Variants in MAP4K3 observed in about 807,000 individuals in gnomAD.
The protein encoded by MAP4K3 is MAPK/ERK kinase kinase kinase 3.
In MAP4K3, 94 loss-of-function variants were observed where a neutral mutation model predicts 143.5. The observed-to-expected ratio is 0.65, with a 90% CI of 0.55 to 0.78. MAP4K3 has a LOEUF of 0.78. Among genes scored for constraint, MAP4K3 ranks in the 30% least tolerant of loss-of-function variants. The probability of loss-of-function intolerance (pLI) is 0.00; values close to 1 mark genes in which losing one functional copy is unlikely to be tolerated. For synonymous variants in MAP4K3, 416 were observed against 347.2 expected (o/e 1.20, Z -2.20); for missense variants, 1,077 against 1,068.1 (o/e 1.01, Z -0.12).
At position 39,370,230 on chromosome 2, in the gene MAP4K3, C is replaced by G. The variant is rs117479858; in HGVS notation, c.154+7836G>C. ...CTCTCCAGCTCAGTCAGCCTCAAGT[C>G]ATAGTATGATTCTAATAAATTTAAG... On this transcript the variant is annotated intron_variant, in intron 2 of 33. Coordinates refer to ENST00000263881, the MANE Select transcript of MAP4K3 (RefSeq NM_003618.4). 1.7e-3 allele frequency among the ~76,000 whole-genome samples: 258 copies of G among 152,268 alleles called. 6 individuals are homozygous for G. In the East Asian group the frequency reaches 0.024, roughly 14 times the overall value.
intron 12 of MAP4K3, among the ~76,000 whole-genome samples, chr2:39,322,109 G>A (rs1683329413): frequency 6.6e-6 from 1 of 152,158 alleles, no homozygotes. Flanking sequence ...CAGGTGTGGA[G>A]GGGCAACCCA....
intron 13 of MAP4K3, among the ~76,000 whole-genome samples, chr2:39,310,065 G>A (rs1379230855): frequency 6.6e-6 from 1 of 152,080 alleles, no homozygotes; most frequent in Non-Finnish European, 1.5e-5. Flanking sequence ...GAACAAAACA[G>A]GGTAATTAGG....
At chr2:39,343,530 G>A (rs1039733947) in intron 3 of MAP4K3, 78 bp from the exon 4 acceptor site, 1 of 1,165,938 alleles carries the variant, frequency 8.6e-7, no homozygotes. Context: ...TTTTAAGGTT[G>A]TAAGCTGTAA....
At chr2:39,282,399 AT>A (rs1037203818) in intron 22 of MAP4K3, 113 bp downstream of exon 22, 26 of 842,336 alleles carry the variant, frequency 3.1e-5, no homozygotes, top group Middle Eastern at 2.6e-4. Context: ...AATCTTATAG[AT>A]TTTTTTTCAA....
In MAP4K3 at chr2:39,283,893, C is replaced by T. The variant is rs1348288165; in HGVS notation, c.1588-1339G>A. On this transcript the variant is annotated intron_variant, in intron 21 of 33. Coordinates refer to ENST00000263881, the MANE Select transcript of MAP4K3 (RefSeq NM_003618.4). ...CATTCTAATTTTTCCCTAGAGCTGC[C>T]ATACATCAGAATCACTTAAACAATG... 3 of 152,212 alleles carry T rather than the reference C, an allele frequency of 2.0e-5. No individual in the cohort carries two copies. The East Asian group carries it at 5.8e-4, about 29-fold the overall frequency. The allele number at this position is 152,212 out of a possible 1,614,324, so 9.4% of individuals were successfully genotyped here. A position where few individuals can be genotyped will look rare whatever the true frequency, so the allele number is the denominator to read the frequency against.
At chr2:39,283,353 C>G (rs1395054849) in intron 21 of MAP4K3, among the ~76,000 whole-genome samples, 2 of 152,140 alleles carry the variant, frequency 1.3e-5, no homozygotes, top group Admixed American at 1.3e-4. Flanking sequence ...TCCTGTGCTC[C>G]TCATTAATTT....
chr2:39,252,541 T>C (rs1182665543), intron 32 of MAP4K3, among the ~76,000 whole-genome samples: 1 of 152,206 alleles, frequency 6.6e-6, no homozygotes, highest in Non-Finnish European at 1.5e-5. Flanking sequence ...AATGACCATA[T>C]ATCCTTCAAG....
intron 26 of MAP4K3, among the ~76,000 whole-genome samples, chr2:39,268,255 G>A (rs1034111843): frequency 6.6e-6 from 1 of 151,962 alleles, no homozygotes; most frequent in Non-Finnish European, 1.5e-5. Context: ...TATAATAAAG[G>A]TTGTTGGTGC....
chr2:39,370,390 C>A (rs1051321813), intron 2 of MAP4K3, among the ~76,000 whole-genome samples: 1 of 152,156 alleles, frequency 6.6e-6, no homozygotes, highest in African/African-American at 2.4e-5. Flanking sequence ...CACAAAAACA[C>A]TCAAGGGAGA....
intron 1 of MAP4K3, among the ~76,000 whole-genome samples, chr2:39,430,915 T>TG (rs1381647729): frequency 6.6e-6 from 1 of 152,226 alleles, no homozygotes. Flanking sequence ...TCAGAAATAA[T>TG]GATCTCCTTC....
rs143167838 is a variant in MAP4K3, at chr2:39,317,091, G to A, written c.919-1703C>T. Reference sequence around the variant, plus strand: ...ATAGACCAATGGAACAGAACAGAGAGCCTAGAAATAAAGCCATACATCTAC... The same window carrying A: ...ATAGACCAATGGAACAGAACAGAGAACCTAGAAATAAAGCCATACATCTAC... On this transcript the variant is annotated intron_variant, in intron 12 of 33. Transcript: ENST00000263881. Among the ~76,000 whole-genome samples, 515 of 152,008 alleles carry A rather than the reference G, an allele frequency of 3.4e-3. 4 individuals carry two copies. The highest frequency in any genetic ancestry group is 5.2e-3 in the Non-Finnish European group (350 of 67,890).
At chr2:39,339,642 C>A (rs751421541) in intron 4 of MAP4K3, among the ~76,000 whole-genome samples, 38 of 152,078 alleles carry the variant, frequency 2.5e-4, no homozygotes, top group Non-Finnish European at 3.8e-4. Context: ...GGGCTACATC[C>A]TCATTAAAGG....
At chr2:39,336,639 T>C (rs1186902293) in intron 6 of MAP4K3, among the ~76,000 whole-genome samples, 1 of 152,084 alleles carries the variant, frequency 6.6e-6, no homozygotes, top group African/African-American at 2.4e-5. Context: ...AGCTATAAGC[T>C]TACTCTGCAT....
intron 1 of MAP4K3, among the ~76,000 whole-genome samples, chr2:39,415,196 ATGGG>A (rs1667338706): frequency 6.6e-6 from 1 of 152,194 alleles, no homozygotes; most frequent in African/African-American, 2.4e-5. Flanking sequence ...TTCCAAATGA[ATGGG>A]CTTCATTTTA....
chr2:39,258,407 A>T lies in MAP4K3; in HGVS notation c.2411T>A (p.Leu804Ter). The change falls in exon 31 of 34, where the codon TTA becomes TAA. Residue 804 changes from leucine to a stop codon, truncating the protein, a stop_gained. Transcript: ENST00000263881. LOFTEE classifies it high-confidence loss of function. The part of the protein sequence containing the change: ...CIKIVNLQGR[L>*]KSSRKLSSEL... ...TGATGACAATTTCCTGCTAGATTTT[A>T]ATCTTCCTTGGAGATTTACTATTTT... 6.2e-7 allele frequency: 1 copy of T among 1,611,428 alleles called. No individual in the cohort carries two copies. The highest frequency in any genetic ancestry group is 1.1e-5 in the South Asian group (1 of 90,788).
At chr2:39,381,708 T>TG (rs1295798622) in intron 1 of MAP4K3, among the ~76,000 whole-genome samples, 2 of 152,192 alleles carry the variant, frequency 1.3e-5, no homozygotes, top group Non-Finnish European at 2.9e-5. Flanking sequence ...TATGAAATTG[T>TG]GAAATACCAC....
intron 23 of MAP4K3, among the ~76,000 whole-genome samples, chr2:39,279,150 A>G (rs998845217): frequency 9.9e-5 from 15 of 152,224 alleles, no homozygotes; most frequent in African/African-American, 3.6e-4. Context: ...CAACTTGAAG[A>G]AAAGTGCCCG....
Position 39,325,634 on chromosome 2 carries a change from A to G in MAP4K3, c.808-6T>C. 1 of 1,605,148 alleles carries G rather than the reference A, an allele frequency of 6.2e-7. No individual in the cohort carries two copies. The highest frequency in any genetic ancestry group is 8.5e-7 in the Non-Finnish European group (1 of 1,172,452). ...TGTTGTGTTACAAAAGGATGCTATA[A>G]AAATTAAATACAATGCAGAACACTT... is the stretch of plus-strand genomic sequence containing the variant. On this transcript the variant is annotated splice_polypyrimidine_tract_variant and splice_region_variant and intron_variant, in intron 11 of 33. Transcript: ENST00000263881.
intron 2 of MAP4K3, among the ~76,000 whole-genome samples, chr2:39,373,353 A>G (rs1453718745): frequency 3.9e-5 from 6 of 152,208 alleles, no homozygotes; most frequent in Non-Finnish European, 8.8e-5. Context: ...GTAAATTAAC[A>G]CAACTACTAT....
Sources: allele counts gnomAD v4.1 joint callset (sites outside exome capture counted in the v4.1 genomes callset), GRCh38; gene constraint gnomAD v4.1.1; transcripts MANE v1.5; gene names NCBI Gene and HGNC (gene_info 2026-07-23, HGNC 2026-07-21).